The following GRHL2 variants were observed in gnomAD, a reference collection of about 807,000 sequenced individuals.
GRHL2 encodes the protein grainyhead like transcription factor 2, also known as grainyhead-like protein 2 homolog.
A neutral mutation model predicts 83.8 loss-of-function variants in GRHL2; 21 were observed. The observed-to-expected ratio is 0.25, with a 90% confidence interval of 0.18 to 0.36. The LOEUF (loss-of-function observed/expected upper bound fraction) is 0.36, where lower values mean the gene tolerates loss of function less well. GRHL2 is among the 10% of genes least tolerant of loss of function. The probability of loss-of-function intolerance (pLI) is 1.00; values close to 1 mark genes in which losing one functional copy is unlikely to be tolerated. For synonymous variants in GRHL2, 280 were observed against 278.9 expected (o/e 1.00, Z -0.04); for missense variants, 623 against 781.8 (o/e 0.80, Z 2.42).
At chr8:101,506,695 T>C (rs1357264927) in intron 1 of GRHL2, among the ~76,000 whole-genome samples, 2 of 152,206 alleles carry the variant, frequency 1.3e-5, no homozygotes, top group Non-Finnish European at 1.5e-5. Context: ...GACATAAATA[T>C]TTTTAGGTCA....
At chr8:101,618,019 CATTTT>C (rs1812889871) in intron 8 of GRHL2, among the ~76,000 whole-genome samples, 1 of 152,176 alleles carries the variant, frequency 6.6e-6, no homozygotes, top group Admixed American at 6.5e-5. Flanking sequence ...AATAGTTTAA[CATTTT>C]ATTTTAAATA....
chr8:101,579,007 T>A (rs547086025), intron 7 of GRHL2, among the ~76,000 whole-genome samples: 2 of 152,282 alleles, frequency 1.3e-5, no homozygotes, highest in South Asian at 4.2e-4. Context: ...GCCTAGGAAG[T>A]CTCACTGGCC....
chr8:101,515,233 G>A (rs540089065), intron 1 of GRHL2, among the ~76,000 whole-genome samples: 28 of 147,590 alleles, frequency 1.9e-4, no homozygotes, highest in Non-Finnish European at 1.5e-5. Context: ...ATGAGGTTGG[G>A]GTGTGGCCAT....
Position 101,577,458 on chromosome 8 carries a change from C to G in GRHL2, c.942C>G (p.Leu314=). ...FSEDKNRDEQ[L]KYWKYWHSRQ... ...AAGACAAAAACAGAGATGAACAGCTCAAATACTGGAAATACTGGCACTCTC... is the reference window on the plus strand; with the variant it reads ...AAGACAAAAACAGAGATGAACAGCTGAAATACTGGAAATACTGGCACTCTC... The change falls in exon 7 of 16, where the codon CTC becomes CTG. Residue 314 remains leucine (L), a synonymous_variant. Coordinates refer to ENST00000646743, the MANE Select transcript of GRHL2 (RefSeq NM_024915.4). The G allele has an allele frequency of 2.5e-6, 4 of 1,614,036 alleles. No homozygotes were observed. The highest frequency in any genetic ancestry group is 3.4e-6 in the Non-Finnish European group (4 of 1,179,970).
intron 13 of GRHL2, among the ~76,000 whole-genome samples, chr8:101,644,511 C>T (rs554684917): frequency 1.4e-4 from 21 of 152,378 alleles, no homozygotes; most frequent in Admixed American, 2.6e-4. Flanking sequence ...GAACGAAACT[C>T]TTGCTGCGTG....
At chr8:101,562,081 G>A (rs1309404319) in intron 4 of GRHL2, 2 of 693,154 alleles carry the variant, frequency 2.9e-6, no homozygotes, top group South Asian at 1.4e-5. Context: ...GCCTGCAAGG[G>A]GGGCTCAGAT....
At chr8:101,534,749 A>G (rs1369242453) in intron 1 of GRHL2, among the ~76,000 whole-genome samples, 1 of 152,186 alleles carries the variant, frequency 6.6e-6, no homozygotes, top group Non-Finnish European at 1.5e-5. Context: ...GGGATTTTCT[A>G]ATGAAGTGGA....
Position 101,519,629 on chromosome 8 carries a change from A to G in GRHL2, c.21-23612A>G, listed in dbSNP as rs78199508. Among the ~76,000 whole-genome samples the G allele has an allele frequency of 9.6e-3, 1,446 of 150,566 alleles. 20 individuals carry two copies. Among genetic ancestry groups the G allele is most frequent in the African/African-American group, 0.034 (1,371 of 40,790 alleles). ...CAATTGTCTGGAATTTATTTAAATC[A>G]TCTCAAGTAAAGGTTTAATTTAAAT... On this transcript the variant is annotated intron_variant, in intron 1 of 15. Coordinates refer to ENST00000646743, the MANE Select transcript of GRHL2 (RefSeq NM_024915.4).
chr8:101,611,195 G>A (rs1812742730), intron 8 of GRHL2, among the ~76,000 whole-genome samples: 1 of 151,020 alleles, frequency 6.6e-6, no homozygotes, highest in South Asian at 2.1e-4. Flanking sequence ...TCAGTGCTCT[G>A]AAGTCGTCCT....
At chr8:101,671,776 G>A (rs559501062), downstream of GRHL2, among the ~76,000 whole-genome samples, 140 of 152,344 alleles carry the variant, frequency 9.2e-4, no homozygotes, top group Non-Finnish European at 1.6e-3. Context: ...GCCTAACTGG[G>A]AGGCATCCCC....
chr8:101,599,807 C>A (rs1432259716), intron 8 of GRHL2, among the ~76,000 whole-genome samples: 1 of 152,208 alleles, frequency 6.6e-6, no homozygotes, highest in African/African-American at 2.4e-5. Context: ...GTCATTGATA[C>A]CTAGATTTGC....
chr8:101,668,434 T>A lies in GRHL2; in HGVS notation c.*1731T>A, dbSNP rs925260599. 6.6e-6 allele frequency: 1 copy of A among 152,654 alleles called. No homozygotes were observed. The highest frequency in any genetic ancestry group is 6.5e-5 in the Admixed American group (1 of 15,276). The allele number at this position is 152,654 out of a possible 1,614,324, so 9.5% of individuals were successfully genotyped here. On this transcript the variant is annotated 3_prime_UTR_variant, in exon 16 of 16. Transcript: ENST00000646743. ...CTAGCTCAGCTGTTTCTCCTTGAGG[T>A]TGCGGAGGAATTGAATTGAATGGGA...
intron 7 of GRHL2, among the ~76,000 whole-genome samples, chr8:101,595,260 T>C (rs570903488): frequency 6.6e-6 from 1 of 152,368 alleles, no homozygotes; most frequent in East Asian, 1.9e-4. Flanking sequence ...TGTATCTATA[T>C]TGCATTTGTT....
At chr8:101,578,967 C>T (rs905682090) in intron 7 of GRHL2, among the ~76,000 whole-genome samples, 1 of 152,168 alleles carries the variant, frequency 6.6e-6, no homozygotes, top group African/African-American at 2.4e-5. Context: ...ACTAGTCAAA[C>T]ATATTTATCG....
At chr8:101,644,271 G>A in intron 13 of GRHL2, 46 bp downstream of exon 13, 3 of 1,482,998 alleles carry the variant, frequency 2.0e-6, no homozygotes, top group Non-Finnish European at 2.8e-6. Context: ...GATGCGGGGT[G>A]TCTCTCCCAA....
intron 12 of GRHL2, among the ~76,000 whole-genome samples, chr8:101,642,862 C>G (rs1049963662): frequency 9.2e-5 from 14 of 152,200 alleles, no homozygotes; most frequent in African/African-American, 3.4e-4. Context: ...TGACACTTAA[C>G]TCGTTGTACC....
Position 101,596,124 on chromosome 8 carries a change from A to C in GRHL2, c.1004-2933A>C, listed in dbSNP as rs1412169647. On this transcript the variant is annotated intron_variant, in intron 7 of 15. Coordinates refer to ENST00000646743, the MANE Select transcript of GRHL2 (RefSeq NM_024915.4). ...GACAGAGCAGGACTCCGTCTCAAAAAATAAAAATAAAAAAAATAAAATAAA... is the reference window on the plus strand; with the variant it reads ...GACAGAGCAGGACTCCGTCTCAAAACATAAAAATAAAAAAAATAAAATAAA... Among the ~76,000 whole-genome samples, 3 of 13,768 alleles carry C rather than the reference A, an allele frequency of 2.2e-4. No individual in the cohort carries two copies. In the Admixed American group the frequency reaches 2.5e-3, roughly 11 times the overall value. The allele number at this position is 13,768 out of a possible 152,430, so 9.0% of individuals were successfully genotyped here.
In GRHL2 at chr8:101,548,420, C is replaced by G. The variant is rs150222026; in HGVS notation, c.217-4295C>G. On this transcript the variant is annotated intron_variant, in intron 2 of 15. Coordinates refer to ENST00000646743, the MANE Select transcript of GRHL2 (RefSeq NM_024915.4). ...GACTGACAACCTCCCAGATAATTCA[C>G]CAGCTTTCCAGAGGAAGCAATGCCT... Among the ~76,000 whole-genome samples, 4 of 152,300 alleles carry G rather than the reference C, an allele frequency of 2.6e-5. No homozygotes were observed. The East Asian group carries it at 7.7e-4, about 29-fold the overall frequency.
chr8:101,666,615 T>C lies in GRHL2; in HGVS notation c.1790T>C (p.Ile597Thr). The C allele has an allele frequency of 6.2e-7, 1 of 1,611,850 alleles. No individual in the cohort carries two copies. The highest frequency in any genetic ancestry group is 8.5e-7 in the Non-Finnish European group (1 of 1,178,024). Residue 597 changes from isoleucine (I) to threonine (T), a missense_variant, in exon 16 of 16, where the codon ATC becomes ACC. Physicochemically the swap from Ile to Thr is moderately conservative, Grantham distance 89. Coordinates refer to ENST00000646743, the MANE Select transcript of GRHL2 (RefSeq NM_024915.4). ...ATCTTGGTGAACATGGATGACAACA[T>C]CATCGAGCACTACTCGAACGAGGAC... is the stretch of plus-strand genomic sequence containing the variant. ...KGILVNMDDN[I>T]IEHYSNEDTF...
Sources: gnomAD v4.1 joint callset for allele counts (sites outside exome capture counted in the v4.1 genomes callset) on GRCh38, gnomAD v4.1.1 for gene constraint, MANE v1.5 for transcripts, NCBI Gene and HGNC (gene_info 2026-07-23, HGNC 2026-07-21) for gene names.